FRAS1: variants seen among roughly 807,000 people sequenced by gnomAD.
The protein encoded by FRAS1 is Fraser extracellular matrix complex subunit 1.
A neutral mutation model predicts 435.2 loss-of-function variants in FRAS1; 290 were observed. That is an observed-to-expected ratio of 0.67 (90% CI 0.61 to 0.73). FRAS1 has a LOEUF of 0.73. FRAS1 is among the 30% of genes least tolerant of loss of function. The pLI is 0.00. For synonymous variants in FRAS1, 1,800 were observed against 1,851.0 expected, an observed-to-expected ratio of 0.97 and a Z score of 0.71; for missense variants, 4,860 against 5,001.5, an observed-to-expected ratio of 0.97 and a Z score of 0.85.
chr4:78,441,600 G>C (rs370092258), intron 41 of FRAS1, among the ~76,000 whole-genome samples: 12 of 151,444 alleles, frequency 7.9e-5, no homozygotes, highest in African/African-American at 2.7e-4. Context: ...TAAATGAGAA[G>C]ATTGAGTACG....
intron 30 of FRAS1, among the ~76,000 whole-genome samples, chr4:78,402,724 A>G (rs1293678975): frequency 1.3e-5 from 2 of 152,174 alleles, no homozygotes; most frequent in Non-Finnish European, 2.9e-5. Flanking sequence ...TGCCCTTTCT[A>G]TGACCCAATC....
At chr4:78,423,710 G>A (rs1179852165) in intron 34 of FRAS1, among the ~76,000 whole-genome samples, 1 of 152,078 alleles carries the variant, frequency 6.6e-6, no homozygotes, top group Non-Finnish European at 1.5e-5. Context: ...TCTAACGGTG[G>A]GTATAGGCTT....
At chr4:78,414,411 G>A (rs1298945740) in intron 32 of FRAS1, among the ~76,000 whole-genome samples, 1 of 152,196 alleles carries the variant, frequency 6.6e-6, no homozygotes, top group Non-Finnish European at 1.5e-5. Flanking sequence ...TAGGCGCTTA[G>A]GTTGCATACT....
intron 14 of FRAS1, among the ~76,000 whole-genome samples, chr4:78,301,271 G>T (rs1457587513): frequency 6.6e-6 from 1 of 151,964 alleles, no homozygotes; most frequent in Non-Finnish European, 1.5e-5. Context: ...ATTAACAAAA[G>T]CATAGGTAGG....
chr4:78,410,314 G>GATT (rs1168824643), intron 31 of FRAS1, among the ~76,000 whole-genome samples: 3 of 151,200 alleles, frequency 2.0e-5, no homozygotes, highest in African/African-American at 7.3e-5. Context: ...AATACTTTAT[G>GATT]ATTATTATTA....
intron 20 of FRAS1, among the ~76,000 whole-genome samples, chr4:78,342,745 A>G (rs926656296): frequency 2.6e-5 from 4 of 152,118 alleles, no homozygotes; most frequent in African/African-American, 9.7e-5. Context: ...CAATGCTTTG[A>G]GTTTTGTGGA....
intron 20 of FRAS1, among the ~76,000 whole-genome samples, chr4:78,362,447 G>A (rs1461539846): frequency 3.3e-5 from 5 of 152,346 alleles, no homozygotes; most frequent in Non-Finnish European, 7.3e-5. Context: ...ATGTATGTTA[G>A]TGAGTGCAGG....
At position 78,511,422 on chromosome 4, in the gene FRAS1, C is replaced by A; in HGVS notation, c.9929C>A (p.Ala3310Asp). The change falls in exon 64 of 74, where the codon GCT becomes GAT. Residue 3310 changes from alanine to aspartate, a missense_variant. Coordinates refer to ENST00000512123, the MANE Select transcript of FRAS1 (RefSeq NM_025074.7). ...DSAICHTPVV[A>D]GTSRGFQAQS... ...GCTATCTGCCACACACCAGTGGTGG[C>A]TGGGACATCCAGAGGCTTCCAGGCT... 1 of 1,613,952 alleles carries A rather than the reference C, an allele frequency of 6.2e-7. No homozygotes were observed. Among genetic ancestry groups the A allele is most frequent in the Non-Finnish European group, 8.5e-7 (1 of 1,179,854 alleles).
chr4:78,271,569 T>C (rs12506831), intron 9 of FRAS1, among the ~76,000 whole-genome samples: 44,146 of 149,970 alleles, frequency 0.29, 6,978 homozygotes, highest in East Asian at 0.38. Flanking sequence ...GCAGTGTTTA[T>C]TTTTTTGTCC....
chr4:78,436,199 G>T (rs1734420602), intron 38 of FRAS1, among the ~76,000 whole-genome samples: 3 of 152,116 alleles, frequency 2.0e-5, no homozygotes, highest in Non-Finnish European at 4.4e-5. Context: ...AGAAAAATAA[G>T]CAAGAGACAT....
chr4:78,264,883 A>G, intron 6 of FRAS1, 142 bp from the exon 7 acceptor site: 1 of 700,794 alleles, frequency 1.4e-6, no homozygotes, highest in Non-Finnish European at 2.6e-6. Context: ...GTCCCAGGTG[A>G]CTAAGAAATG....
chr4:78,275,944 A>G (rs961233711), intron 9 of FRAS1, among the ~76,000 whole-genome samples: 1 of 152,174 alleles, frequency 6.6e-6, no homozygotes, highest in African/African-American at 2.4e-5. Context: ...CGTCACTTTT[A>G]GGTACACCAA....
intron 51 of FRAS1, among the ~76,000 whole-genome samples, chr4:78,471,950 G>A (rs1719721704): frequency 6.6e-6 from 1 of 151,962 alleles, no homozygotes; most frequent in Non-Finnish European, 1.5e-5. Context: ...TACAGCTCTT[G>A]CCACATTGAC....
At position 78,125,621 on chromosome 4, in the gene FRAS1, T is replaced by G. The variant is rs550762528; in HGVS notation, c.108+59605T>G. ...CCTTTCTGTTTGTTAGTTTTCCTTCTGACAGACAGGCCCCTCAGCTGCAGG... is the reference window on the plus strand; with the variant it reads ...CCTTTCTGTTTGTTAGTTTTCCTTCGGACAGACAGGCCCCTCAGCTGCAGG... On this transcript the variant is annotated intron_variant, in intron 2 of 73. Transcript: ENST00000512123. 2.4e-4 allele frequency among the ~76,000 whole-genome samples: 37 copies of G among 152,304 alleles called. No individual in the cohort carries two copies. In the South Asian group the frequency reaches 7.7e-3, roughly 32 times the overall value.
chr4:78,401,508 T>C (rs1438154934), intron 30 of FRAS1, among the ~76,000 whole-genome samples: 1 of 152,218 alleles, frequency 6.6e-6, no homozygotes, highest in Admixed American at 6.5e-5. Flanking sequence ...ATGAGCTTAA[T>C]AGCATAGCTT....
chr4:78,526,124 A>G (rs1334581256), intron 69 of FRAS1, among the ~76,000 whole-genome samples: 1 of 152,178 alleles, frequency 6.6e-6, no homozygotes, highest in East Asian at 1.9e-4. Context: ...TTCAGAAATA[A>G]AAGCTGCTTT....
chr4:78,471,396 G>T (rs993765154), intron 51 of FRAS1, among the ~76,000 whole-genome samples: 4 of 151,934 alleles, frequency 2.6e-5, no homozygotes, highest in African/African-American at 9.7e-5. Context: ...ATGAATTAAA[G>T]TTAGTGCCAA....
At chr4:78,096,614 A>G (rs750793869) in intron 2 of FRAS1, among the ~76,000 whole-genome samples, 1 of 152,246 alleles carries the variant, frequency 6.6e-6, no homozygotes. Flanking sequence ...GCTCAAAACC[A>G]TGTGAAAGCT....
At chr4:78,114,947 T>A (rs917317904) in intron 2 of FRAS1, among the ~76,000 whole-genome samples, 5 of 152,156 alleles carry the variant, frequency 3.3e-5, no homozygotes, top group African/African-American at 1.2e-4. Context: ...GCCCATTCAG[T>A]ATGATATTGG....
Sources: gnomAD v4.1 joint callset for allele counts (sites outside exome capture counted in the v4.1 genomes callset) on GRCh38, gnomAD v4.1.1 for gene constraint, MANE v1.5 for transcripts, NCBI Gene and HGNC (gene_info 2026-07-23, HGNC 2026-07-21) for gene names.